The following MDFIC2 variants were observed in gnomAD, a reference collection of about 807,000 sequenced individuals.
MDFIC2 encodes the protein myoD family inhibitor domain-containing protein 2.
chr3:70,228,191 A>T (rs1343788788), intron 2 of MDFIC2, among the ~76,000 whole-genome samples: 3 of 152,034 alleles, frequency 2.0e-5, no homozygotes, highest in Admixed American at 2.0e-4. Flanking sequence ...GTATCAAGAA[A>T]GGCATTTTAC....
At chr3:70,254,121 T>C (rs532413875) in intron 2 of MDFIC2, among the ~76,000 whole-genome samples, 23 of 142,934 alleles carry the variant, frequency 1.6e-4, no homozygotes, top group Admixed American at 8.0e-4. Context: ...TTTTTGGTAA[T>C]TGTACATAAC....
At chr3:70,267,396 T>A (rs1486365526) in intron 2 of MDFIC2, among the ~76,000 whole-genome samples, 1 of 752 alleles carries the variant, frequency 1.3e-3, no homozygotes, top group African/African-American at 2.1e-3. Context: ...TTTAATAGCT[T>A]TTTTTTTTTT....
At chr3:70,226,341 G>A (rs1701506858) in intron 2 of MDFIC2, among the ~76,000 whole-genome samples, 1 of 152,104 alleles carries the variant, frequency 6.6e-6, no homozygotes, top group Non-Finnish European at 1.5e-5. Context: ...TATAACAGAG[G>A]CACACACACA....
chr3:70,246,098 T>TAA (rs1014599330), intron 2 of MDFIC2, among the ~76,000 whole-genome samples: 1 of 150,318 alleles, frequency 6.7e-6, no homozygotes, highest in African/African-American at 2.4e-5. Context: ...CTACACACCA[T>TAA]AAAAAAAAAC....
chr3:70,310,728 G>A (rs1355552045), intron 2 of MDFIC2, among the ~76,000 whole-genome samples: 1 of 152,108 alleles, frequency 6.6e-6, no homozygotes, highest in East Asian at 1.9e-4. Context: ...GTGGATGTGA[G>A]GGTATGATGA....
chr3:70,287,585 G>A (rs1406963413), intron 2 of MDFIC2, among the ~76,000 whole-genome samples: 1 of 152,066 alleles, frequency 6.6e-6, no homozygotes, highest in Non-Finnish European at 1.5e-5. Flanking sequence ...AATGAGTGAG[G>A]GAGGATTCCC....
chr3:70,283,426 A>G (rs992696470), intron 2 of MDFIC2, among the ~76,000 whole-genome samples: 3 of 152,258 alleles, frequency 2.0e-5, no homozygotes, highest in Non-Finnish European at 2.9e-5. Context: ...CTCCCTGGAT[A>G]CTGTAGAATT....
At chr3:70,273,803 CTTTTG>C (rs1472251945) in intron 2 of MDFIC2, among the ~76,000 whole-genome samples, 2 of 152,038 alleles carry the variant, frequency 1.3e-5, no homozygotes, top group Non-Finnish European at 2.9e-5. Flanking sequence ...TTATTTTTCT[CTTTTG>C]TTTTGTTTTT....
In MDFIC2 at chr3:70,206,668, G is replaced by GT; in HGVS notation, c.210dup (p.Leu71ThrfsTer12). 2.5e-6 allele frequency: 1 copy of GT among 397,894 alleles called. No individual in the cohort carries two copies. Among genetic ancestry groups the GT allele is most frequent in the South Asian group, 1.3e-4 (1 of 7,854 alleles). The allele number at this position is 397,894 out of a possible 1,614,324, so 24.6% of individuals were successfully genotyped here. ...GACAGTGATGTGCTGGATTCTGACA[G>GT]TTTTTTCTCATTGGGGTTTTCCTTG... On this transcript the variant is annotated frameshift_variant, in exon 3 of 4. Coordinates refer to ENST00000567252, the MANE Select transcript of MDFIC2 (RefSeq NM_001364677.1). LOFTEE classifies it high-confidence loss of function.
chr3:70,242,371 T>C (rs908274266), intron 2 of MDFIC2, among the ~76,000 whole-genome samples: 7 of 152,160 alleles, frequency 4.6e-5, no homozygotes, highest in Non-Finnish European at 8.8e-5. Context: ...TTTTTAAACT[T>C]TTTTCCCATT....
intron 2 of MDFIC2, among the ~76,000 whole-genome samples, chr3:70,280,955 G>A (rs1306314668): frequency 6.6e-6 from 1 of 152,062 alleles, no homozygotes; most frequent in African/African-American, 2.4e-5. Context: ...TACCCTTTTT[G>A]TGTGATCGTA....
intron 2 of MDFIC2, among the ~76,000 whole-genome samples, chr3:70,300,722 A>T (rs1181261833): frequency 6.6e-6 from 1 of 152,104 alleles, no homozygotes; most frequent in Admixed American, 6.6e-5. Context: ...TTCTTCTGTC[A>T]TAGAACAAGT....
At chr3:70,210,523 T>C (rs1260994655) in intron 2 of MDFIC2, among the ~76,000 whole-genome samples, 1 of 152,108 alleles carries the variant, frequency 6.6e-6, no homozygotes, top group Non-Finnish European at 1.5e-5. Context: ...TTTCATCAGA[T>C]TCAGATTCCT....
At chr3:70,266,256 T>C (rs1433872065) in intron 2 of MDFIC2, among the ~76,000 whole-genome samples, 2 of 152,148 alleles carry the variant, frequency 1.3e-5, no homozygotes, top group African/African-American at 4.8e-5. Flanking sequence ...TGTGACCTAT[T>C]ATGACTTATA....
chr3:70,270,008 G>A (rs1701958653), intron 2 of MDFIC2, among the ~76,000 whole-genome samples: 1 of 152,084 alleles, frequency 6.6e-6, no homozygotes, highest in Admixed American at 6.6e-5. Flanking sequence ...ACAAACAACT[G>A]GACAAGAGTA....
At chr3:70,294,022 AT>A (rs759543503) in intron 2 of MDFIC2, among the ~76,000 whole-genome samples, 5 of 152,064 alleles carry the variant, frequency 3.3e-5, no homozygotes, top group Non-Finnish European at 7.4e-5. Flanking sequence ...AGCTGGGTGT[AT>A]TTTAATATTT....
chr3:70,307,701 G>A (rs1317723934), intron 2 of MDFIC2, among the ~76,000 whole-genome samples: 1 of 151,930 alleles, frequency 6.6e-6, no homozygotes, highest in Admixed American at 6.6e-5. Flanking sequence ...ACCCCATTTT[G>A]CACACCAGTT....
chr3:70,308,977 G>C (rs1444724706), intron 2 of MDFIC2, among the ~76,000 whole-genome samples: 2 of 152,288 alleles, frequency 1.3e-5, no homozygotes, highest in East Asian at 3.9e-4. Flanking sequence ...CCAGAGGGAG[G>C]CAGCAGAGTC....
intron 2 of MDFIC2, among the ~76,000 whole-genome samples, chr3:70,304,787 C>T (rs1403073): frequency 0.21 from 31,328 of 152,080 alleles, 3,402 homozygotes; most frequent in South Asian, 0.28. Flanking sequence ...TAGAATCTCC[C>T]GTGGCTTCTA....
Sources: allele counts gnomAD v4.1 joint callset (sites outside exome capture counted in the v4.1 genomes callset), GRCh38; gene constraint gnomAD v4.1.1; transcripts MANE v1.5; gene names NCBI Gene and HGNC (gene_info 2026-07-23, HGNC 2026-07-21).